CHD7: variants seen among roughly 807,000 people sequenced by gnomAD.
CHD7 encodes chromodomain helicase DNA binding protein 7.
Under a neutral mutation model 307.3 loss-of-function variants are expected in CHD7, and 24 were observed. That is an observed-to-expected ratio of 0.08 (90% CI 0.06 to 0.11). The LOEUF is 0.11. CHD7 is among the 10% of genes least tolerant of loss of function. The probability of loss-of-function intolerance (pLI) is 1.00; values close to 1 mark genes in which losing one functional copy is unlikely to be tolerated. For missense variants in CHD7, 3,106 were observed against 3,727.1 expected (o/e 0.83, Z 4.34); for synonymous variants, 1,363 against 1,349.9 (o/e 1.01, Z -0.21).
In CHD7 at chr8:60,862,184, T is replaced by C. The variant is rs912199594; in HGVS notation, c.7831-12T>C. On this transcript the variant is annotated splice_polypyrimidine_tract_variant and intron_variant, in intron 35 of 37. Transcript: ENST00000423902. ...AATACCAATTTTACTAAATATGTTT[T>C]TTCTTTTGCAGAAGAATGCAGATGT... 4 of 1,597,942 alleles carry C rather than the reference T, an allele frequency of 2.5e-6. No individual in the cohort carries two copies. The African/African-American group carries it at 5.4e-5, about 21-fold the overall frequency.
intron 1 of CHD7, among the ~76,000 whole-genome samples, chr8:60,681,773 G>GTT (rs564821571): frequency 6.6e-6 from 1 of 151,946 alleles, no homozygotes; most frequent in African/African-American, 2.4e-5. Context: ...AGCACTGTGG[G>GTT]TTTTTTTCTC....
rs985530136 is a variant in CHD7 at position 60,854,243 on chromosome 8, T to TGTA, written c.6776-115_6776-113dup. 2.4e-5 allele frequency: 18 copies of TGTA among 765,556 alleles called. No individual in the cohort carries two copies. In the African/African-American group the frequency reaches 3.0e-4, roughly 13 times the overall value. 47.4% of individuals were successfully genotyped at this position (765,556 alleles called of 1,614,324 possible). On this transcript the variant is annotated intron_variant, in intron 31 of 37. Coordinates refer to ENST00000423902, the MANE Select transcript of CHD7 (RefSeq NM_017780.4). ...ACAGTGCCCAATACCATTCTAGCCA[T>TGTA]GTAGTAGGTACTCAATAAAATGGAG...
intron 2 of CHD7, 124 bp from the exon 3 acceptor site, chr8:60,780,876 G>T: frequency 8.0e-7 from 1 of 1,251,344 alleles, no homozygotes; most frequent in Non-Finnish European, 1.0e-6. Flanking sequence ...CAACTGTATA[G>T]TTGGAAAAAT....
rs147994149 is a variant in CHD7, at chr8:60,823,835, T to C, written c.3202-5T>C. Reference sequence around the variant, plus strand: ...CTTAATAATAATTCAGAGTTGTTCTTATAGGGTCGAGTGATAAAGGGGTCC... The same window carrying C: ...CTTAATAATAATTCAGAGTTGTTCTCATAGGGTCGAGTGATAAAGGGGTCC... On this transcript the variant is annotated splice_polypyrimidine_tract_variant and splice_region_variant and intron_variant, in intron 12 of 37. Transcript: ENST00000423902. 1.2e-3 allele frequency: 1,953 copies of C among 1,612,494 alleles called. 37 individuals carry two copies. In the East Asian group the frequency reaches 0.034, roughly 28 times the overall value.
chr8:60,845,306 A>G lies in CHD7; in HGVS notation c.5107A>G (p.Thr1703Ala). 1 of 1,614,044 alleles carries G rather than the reference A, an allele frequency of 6.2e-7. No homozygotes were observed. Among genetic ancestry groups the G allele is most frequent in the South Asian group, 1.1e-5 (1 of 91,086 alleles). The change falls in exon 23 of 38, where the codon ACA (threonine) becomes GCA (alanine). Residue 1703 changes from threonine to alanine, a missense_variant. By Grantham distance (58) the Thr-to-Ala change is moderately conservative. Around this residue, in one of 10 missense-constraint regions of CHD7, gnomAD observed 1,030 missense variants for 1,165.4 expected, o/e 0.88. Coordinates refer to ENST00000423902, the MANE Select transcript of CHD7 (RefSeq NM_017780.4). ...RKGKKVKAQS[T>A]QPVVQDADWL... ...GGGAAAGAAGGTGAAAGCCCAGAGCACACAGCCGGTGGTGCAGGATGCCGA... is the reference window on the plus strand; with the variant it reads ...GGGAAAGAAGGTGAAAGCCCAGAGCGCACAGCCGGTGGTGCAGGATGCCGA...
At chr8:60,795,964 T>C (rs1277451971) in intron 4 of CHD7, among the ~76,000 whole-genome samples, 1 of 152,180 alleles carries the variant, frequency 6.6e-6, no homozygotes, top group Non-Finnish European at 1.5e-5. Context: ...TACTGGACTT[T>C]TTCTTATTTA....
chr8:60,812,618 T>A (rs1177189717), intron 7 of CHD7, among the ~76,000 whole-genome samples: 1 of 147,200 alleles, frequency 6.8e-6, no homozygotes, highest in Non-Finnish European at 1.5e-5. Context: ...GAGCCGAGAT[T>A]GCGCCATTGC....
At chr8:60,836,603 C>CT (rs879647986) in intron 16 of CHD7, among the ~76,000 whole-genome samples, 2 of 151,796 alleles carry the variant, frequency 1.3e-5, no homozygotes, top group Admixed American at 1.3e-4. Flanking sequence ...TAACTATTTC[C>CT]CTGGAGAGGA....
intron 2 of CHD7, among the ~76,000 whole-genome samples, chr8:60,762,850 G>A (rs1810285622): frequency 6.6e-6 from 1 of 152,172 alleles, no homozygotes; most frequent in African/African-American, 2.4e-5. Context: ...AGCGAAGAGG[G>A]ATCTTGCAGG....
chr8:60,741,179 A>G, intron 1 of CHD7, 80 bp from the exon 2 acceptor site: 1 of 504,824 alleles, frequency 2.0e-6, no homozygotes, highest in Non-Finnish European at 3.5e-6. Context: ...TCAGATGTAC[A>G]AAATACTGGC....
rs368648424 is a variant in CHD7, at chr8:60,742,842, A to G, written c.1410A>G (p.Glu470=). The stretch of plus-strand genomic sequence containing the variant: ...TAGGCATGTCCTCGGCACCAAGGGA[A>G]TTGACTGGGCACATGAGGCCAAATG... The part of the protein sequence containing the change: ...PFIGMSSAPR[E]LTGHMRPNGC... Residue 470 remains glutamate, a synonymous_variant, in exon 2 of 38, where the codon GAA becomes GAG. Coordinates refer to ENST00000423902, the MANE Select transcript of CHD7 (RefSeq NM_017780.4). 52 of 1,613,162 alleles carry G rather than the reference A, an allele frequency of 3.2e-5. No homozygotes were observed. The highest frequency in any genetic ancestry group is 5.3e-5 in the African/African-American group (4 of 74,908).
At chr8:60,759,894 A>G (rs1352906512) in intron 2 of CHD7, among the ~76,000 whole-genome samples, 1 of 152,156 alleles carries the variant, frequency 6.6e-6, no homozygotes, top group East Asian at 1.9e-4. Context: ...CCATCTATTC[A>G]TCGGATGTTT....
chr8:60,851,912 T>C (rs1805471290), intron 28 of CHD7, 107 bp from the exon 29 acceptor site: 1 of 719,056 alleles, frequency 1.4e-6, no homozygotes, highest in Non-Finnish European at 2.3e-6. Flanking sequence ...GAGATGCCCT[T>C]TCCCACACTG....
intron 1 of CHD7, among the ~76,000 whole-genome samples, chr8:60,738,039 T>C (rs1458074874): frequency 6.6e-6 from 1 of 152,228 alleles, no homozygotes; most frequent in African/African-American, 2.4e-5. Context: ...AAATGCAACT[T>C]GAATGTTTAT....
intron 1 of CHD7, among the ~76,000 whole-genome samples, chr8:60,695,983 A>G (rs1215024503): frequency 6.6e-6 from 1 of 152,318 alleles, no homozygotes; most frequent in Non-Finnish European, 1.5e-5. Context: ...TCCCAAGGAA[A>G]AATCTAAAAT....
At chr8:60,773,687 G>A (rs968961617) in intron 2 of CHD7, among the ~76,000 whole-genome samples, 3 of 152,170 alleles carry the variant, frequency 2.0e-5, no homozygotes, top group Non-Finnish European at 2.9e-5. Flanking sequence ...TCAAGGCAGG[G>A]CAAGGAGCGG....
chr8:60,729,579 A>C (rs2150558887), intron 1 of CHD7, among the ~76,000 whole-genome samples: 1 of 152,310 alleles, frequency 6.6e-6, no homozygotes, highest in East Asian at 1.9e-4. Flanking sequence ...TTAAGACCAT[A>C]TAGATGGGTG....
chr8:60,865,553 G>A lies in CHD7; in HGVS notation c.8614G>A (p.Gly2872Arg), dbSNP rs1806205560. ...TGTTTCGGCTGCTGACTCTGCGAAT[G>A]GATCTGTTGGTGCTGCTACTGCCCC... The part of the protein sequence containing the change: ...DAVSAADSAN[G>R]SVGAATAPAG... The change falls in exon 38 of 38, where the codon GGA (glycine) becomes AGA (arginine). Residue 2872 changes from glycine (G) to arginine (R), a missense_variant. Coordinates refer to ENST00000423902, the MANE Select transcript of CHD7 (RefSeq NM_017780.4). The surrounding 1 kb of genome is among the most constrained non-coding windows in gnomAD (Gnocchi z 4.3). 6.2e-7 allele frequency: 1 copy of A among 1,614,068 alleles called. No individual in the cohort carries two copies. Among genetic ancestry groups the A allele is most frequent in the Non-Finnish European group, 8.5e-7 (1 of 1,179,898 alleles).
At position 60,852,898 on chromosome 8, in the gene CHD7, T is replaced by C; in HGVS notation, c.6173T>C (p.Ile2058Thr). The C allele has an allele frequency of 6.2e-7, 1 of 1,614,010 alleles. No individual in the cohort carries two copies. The highest frequency in any genetic ancestry group is 8.5e-7 in the Non-Finnish European group (1 of 1,179,886). The change falls in exon 31 of 38, where the codon ATT (isoleucine) becomes ACT (threonine). Residue 2058 changes from isoleucine to threonine, a missense_variant. Transcript: ENST00000423902. ...CGAGCCTCTCGAACTCTGTACCGCA[T>C]TGAGCTGCTACGGAAGATCCGCGAG... ...EERASRTLYR[I>T]ELLRKIREQV...
Sources: gnomAD v4.1 joint callset for allele counts (sites outside exome capture counted in the v4.1 genomes callset) on GRCh38, gnomAD v4.1.1 for gene constraint, gnomAD v4.1.1 regional missense constraint, Gnocchi (gnomAD v3.1) non-coding constraint, MANE v1.5 for transcripts, NCBI Gene and HGNC (gene_info 2026-07-23, HGNC 2026-07-21) for gene names.